RIOX2: variants seen among roughly 807,000 people sequenced by gnomAD.
RIOX2 encodes the protein ribosomal oxygenase 2, also known as 60S ribosomal protein L27a histidine hydroxylase.
Under a neutral mutation model 51.2 loss-of-function variants are expected in RIOX2, and 43 were observed. The ratio of observed to expected loss-of-function variants is 0.84; its 90% CI spans 0.66 to 1.08. RIOX2 has a LOEUF of 1.08. Among genes scored for constraint, RIOX2 ranks in the 50% least tolerant of loss-of-function variants. RIOX2 has a pLI of 0.00. For missense variants in RIOX2, 566 were observed against 561.7 expected (o/e 1.01, Z -0.08); for synonymous variants, 226 against 218.5 (o/e 1.03, Z -0.30).
At chr3:97,952,116 C>T in intron 5 of RIOX2, 1 of 1,190,338 alleles carries the variant, frequency 8.4e-7, no homozygotes, top group Non-Finnish European at 1.1e-6. Context: ...ACAATGCTAC[C>T]TTGACAGGTG....
chr3:97,953,940 A>G (rs550419048), intron 5 of RIOX2: 1 of 159,160 alleles, frequency 6.3e-6, no homozygotes, highest in Non-Finnish European at 1.4e-5. Flanking sequence ...TGGAATAAAC[A>G]TGTTTTAGAA....
Position 97,947,372 on chromosome 3 carries a change from GA to G in RIOX2, c.1137del (p.Gln380LysfsTer18). On this transcript the variant is annotated frameshift_variant, in exon 8 of 10. Transcript: ENST00000394198. LOFTEE classifies it high-confidence loss of function. ...KDHIVLTVLP[D>X]QDQSDEAQEK... is the part of the protein sequence containing the mutation. ...TCTTGGATACTCACAGATTGATCTT[GA>G]TCCGGCAGTACTGTGAGGACAATGT... 1.9e-6 allele frequency: 3 copies of G among 1,612,390 alleles called. No homozygotes were observed. The South Asian group carries it at 3.3e-5, about 18-fold the overall frequency.
chr3:97,953,610 T>C (rs2107154626), intron 5 of RIOX2, among the ~76,000 whole-genome samples: 1 of 152,260 alleles, frequency 6.6e-6, no homozygotes, highest in Non-Finnish European at 1.5e-5. Flanking sequence ...CTCAAACTTC[T>C]GACCTCAAGC....
chr3:97,959,273 G>C, intron 3 of RIOX2, 94 bp from the exon 4 acceptor site: 1 of 744,008 alleles, frequency 1.3e-6, no homozygotes, highest in Non-Finnish European at 2.0e-6. Context: ...GGGGCTAATA[G>C]ACAAATATAT....
At chr3:97,954,855 GGTT>G (rs1705395738) in intron 4 of RIOX2, among the ~76,000 whole-genome samples, 1 of 152,164 alleles carries the variant, frequency 6.6e-6, no homozygotes, top group Admixed American at 6.5e-5. Context: ...ATGCTTCAGT[GGTT>G]AAGAGTAGGA....
At chr3:97,962,201 A>C (rs1576012403) in intron 2 of RIOX2, among the ~76,000 whole-genome samples, 1 of 152,158 alleles carries the variant, frequency 6.6e-6, no homozygotes, top group East Asian at 1.9e-4. Flanking sequence ...GACTCAATGT[A>C]AAGGAGCGGA....
rs1452813731 is a variant in RIOX2, at chr3:97,942,133, G to T, written c.*3051C>A. The T allele has an allele frequency of 5.8e-6, 3 of 516,436 alleles. No homozygotes were observed. Among genetic ancestry groups the T allele is most frequent in the Middle Eastern group, 5.0e-4 (1 of 2,014 alleles). 32.0% of individuals were successfully genotyped at this position (516,436 alleles called of 1,614,324 possible). On this transcript the variant is annotated 3_prime_UTR_variant, in exon 10 of 10. Transcript: ENST00000394198. ...AGCCGTAAAGAAGACATTAAAAAAGGCTTACTGAAATTATACTATATAGTA... is the reference window on the plus strand; with the variant it reads ...AGCCGTAAAGAAGACATTAAAAAAGTCTTACTGAAATTATACTATATAGTA...
At chr3:97,946,588 A>ATG (rs1553712257) in intron 8 of RIOX2, among the ~76,000 whole-genome samples, 1 of 121,804 alleles carries the variant, frequency 8.2e-6, no homozygotes, top group African/African-American at 3.3e-5. Flanking sequence ...TTGAGGATGT[A>ATG]TATATATATA....
intron 4 of RIOX2, among the ~76,000 whole-genome samples, chr3:97,957,716 G>T (rs1377114512): frequency 6.6e-6 from 1 of 152,108 alleles, no homozygotes; most frequent in African/African-American, 2.4e-5. Flanking sequence ...AAGTAGCCAG[G>T]TCACCGGCCT....
rs925525104 is a variant in RIOX2, at chr3:97,943,642, T to C, written c.*1542A>G. ...CGTGAATCCTGTTCCTGATGGCCCG[T>C]TATTGGACACTGGTGATGCTATTAT... On this transcript the variant is annotated 3_prime_UTR_variant, in exon 10 of 10. Transcript: ENST00000394198. 3.6e-6 allele frequency: 1 copy of C among 280,030 alleles called. No homozygotes were observed. The highest frequency in any genetic ancestry group is 5.8e-5 in the Admixed American group (1 of 17,138). The allele number at this position is 280,030 out of a possible 1,614,324, so 17.3% of individuals were successfully genotyped here. A position where few individuals can be genotyped will look rare whatever the true frequency, so the allele number is the denominator to read the frequency against.
intron 2 of RIOX2, among the ~76,000 whole-genome samples, chr3:97,962,720 G>A (rs1441072409): frequency 6.6e-6 from 1 of 152,168 alleles, no homozygotes; most frequent in Non-Finnish European, 1.5e-5. Context: ...CTGTCTCCAA[G>A]TGCTTTACAA....
Position 97,954,491 on chromosome 3 carries a change from C to A in RIOX2, c.686G>T (p.Gly229Val), listed in dbSNP as rs199950870. 3.7e-6 allele frequency: 6 copies of A among 1,613,678 alleles called. No homozygotes were observed. The highest frequency in any genetic ancestry group is 5.1e-6 in the Non-Finnish European group (6 of 1,179,842). ...TCCTCTGGGAAAGTACAACAAATCA[C>A]CCGGCTAAAGGAAGGAATAGGAAAG... is the stretch of plus-strand genomic sequence containing the variant. ...RPVHEFMLKPGDLLYFPRGTI... is the reference protein window; with the variant it reads ...RPVHEFMLKPVDLLYFPRGTI... The change falls in exon 5 of 10, where the codon GGT (glycine) becomes GTT (valine). Residue 229 changes from glycine (G) to valine (V), a missense_variant. By Grantham distance (109) the Gly-to-Val change is moderately radical. Coordinates refer to ENST00000394198, the MANE Select transcript of RIOX2 (RefSeq NM_153182.4).
At position 97,967,520 on chromosome 3, in the gene RIOX2, TCTAACTTCATCTGCTTACAGGG is replaced by T; in HGVS notation, c.52_73del (p.Pro18LysfsTer9). ...TAAAGCTGAAGGCCCCCCAGCTGCTTCTAACTTCATCTGCTTACAGGGAGCCGGCCCCTCTTCCTTCCCACTC... is the reference window on the plus strand; with the variant it reads ...TAAAGCTGAAGGCCCCCCAGCTGCTTAGCCGGCCCCTCTTCCTTCCCACTC... On this transcript the variant is annotated frameshift_variant, in exon 2 of 10. Coordinates refer to ENST00000394198, the MANE Select transcript of RIOX2 (RefSeq NM_153182.4). LOFTEE classifies it high-confidence loss of function. The T allele has an allele frequency of 6.2e-7, 1 of 1,614,114 alleles. No homozygotes were observed. Among genetic ancestry groups the T allele is most frequent in the Non-Finnish European group, 8.5e-7 (1 of 1,180,024 alleles).
rs10644219 is a variant in RIOX2 at position 97,965,210 on chromosome 3, T to TAAAAAA, written c.432+1946_432+1951dup. ...TCCAGCACGGGTGGTACAAAGAGAT[T>TAAAAAA]AAAAAAAAAAAAAAAAAAAGGCCCA... On this transcript the variant is annotated intron_variant, in intron 2 of 9. Transcript: ENST00000394198. 1.3e-3 allele frequency among the ~76,000 whole-genome samples: 150 copies of TAAAAAA among 114,858 alleles called. 1 individual carries two copies. Among genetic ancestry groups the TAAAAAA allele is most frequent in the African/African-American group, 4.6e-3 (136 of 29,252 alleles). 75.4% of individuals were successfully genotyped at this position (114,858 alleles called of 152,430 possible).
rs1438104583 is a variant in RIOX2 at position 97,954,533 on chromosome 3, A to C, written c.682-38T>G. ...ATAGGAAAGGGTAGAGAAGTTAATA[A>C]GTATTCCTTCTCAGTCCTCTTCATT... On this transcript the variant is annotated intron_variant, in intron 4 of 9. Coordinates refer to ENST00000394198, the MANE Select transcript of RIOX2 (RefSeq NM_153182.4). 2.6e-6 allele frequency: 4 copies of C among 1,520,986 alleles called. No homozygotes were observed. The African/African-American group carries it at 4.1e-5, about 16-fold the overall frequency. 94.2% of individuals were successfully genotyped at this position (1,520,986 alleles called of 1,614,324 possible).
chr3:97,954,273 A>C, intron 5 of RIOX2, 119 bp downstream of exon 5: 1 of 702,520 alleles, frequency 1.4e-6, no homozygotes, highest in South Asian at 1.6e-5. Flanking sequence ...TAAAGGACAT[A>C]AACCCTGGGG....
In RIOX2 at chr3:97,967,263, T is replaced by C. The variant is rs748073979; in HGVS notation, c.331A>G (p.Lys111Glu). The change falls in exon 2 of 10, where the codon AAG becomes GAG. Residue 111 changes from lysine to glutamate, a missense_variant. Coordinates refer to ENST00000394198, the MANE Select transcript of RIOX2 (RefSeq NM_153182.4). ...GCTTTGCCATCTTTATTTAAAACCT[T>C]CTTCTTCCCATTGACACACCGGCAG... is the stretch of plus-strand genomic sequence containing the variant. ...NVCRCVNGKK[K>E]VLNKDGKAHF... 4 of 1,614,176 alleles carry C rather than the reference T, an allele frequency of 2.5e-6. No homozygotes were observed. Among genetic ancestry groups the C allele is most frequent in the Non-Finnish European group, 2.5e-6 (3 of 1,180,042 alleles).
At chr3:97,970,288 T>C (rs1383044219) in intron 1 of RIOX2, among the ~76,000 whole-genome samples, 20 of 152,214 alleles carry the variant, frequency 1.3e-4, no homozygotes, top group Non-Finnish European at 1.5e-5. Context: ...TCACTACCCA[T>C]ACTGCCAAAA....
intron 1 of RIOX2, chr3:97,972,046 C>G (rs1706155131): frequency 2.6e-5 from 4 of 152,172 alleles, no homozygotes; most frequent in African/African-American, 9.6e-5. Flanking sequence ...CACCACCCTC[C>G]TTGCTAAGCC....
Sources: gnomAD v4.1 joint callset for allele counts (sites outside exome capture counted in the v4.1 genomes callset) on GRCh38, gnomAD v4.1.1 for gene constraint, MANE v1.5 for transcripts, NCBI Gene and HGNC (gene_info 2026-07-23, HGNC 2026-07-21) for gene names.